The following PIKFYVE variants were observed in gnomAD, a reference collection of about 807,000 sequenced individuals.
The protein encoded by PIKFYVE is 1-phosphatidylinositol 3-phosphate 5-kinase.
PIKFYVE carries 122 observed loss-of-function variants against 257.9 expected under a neutral mutation model. The observed-to-expected ratio is 0.47, with a 90% CI of 0.41 to 0.55. PIKFYVE has a LOEUF of 0.55. PIKFYVE is among the 20% of genes least tolerant of loss of function. The pLI, the probability that PIKFYVE is intolerant of heterozygous loss-of-function variation, is 0.00. For missense variants in PIKFYVE, 2,160 were observed against 2,536.6 expected (o/e 0.85, Z 3.19); for synonymous variants, 892 against 868.9 (o/e 1.03, Z -0.47).
At chr2:208,276,671 G>A in intron 3 of PIKFYVE, 41 bp from the exon 4 acceptor site, 1 of 1,386,386 alleles carries the variant, frequency 7.2e-7, no homozygotes, top group South Asian at 1.2e-5. Context: ...ATAGATACTA[G>A]GGACTGTTAA....
At position 208,325,691 on chromosome 2, in the gene PIKFYVE, A is replaced by G. The variant is rs1696847221; in HGVS notation, c.2880A>G (p.Thr960=). 5.6e-6 allele frequency: 9 copies of G among 1,613,970 alleles called. No individual in the cohort carries two copies. The highest frequency in any genetic ancestry group is 7.6e-6 in the Non-Finnish European group (9 of 1,179,912). Reference sequence around the variant, plus strand: ...CTGTGAAGCATCAAGAACATAGCACAACAGCTTGCCCGGCGGGTCTCCCTT... The same window carrying G: ...CTGTGAAGCATCAAGAACATAGCACGACAGCTTGCCCGGCGGGTCTCCCTT... ...VASVKHQEHS[T]TACPAGLPCA... is the part of the protein sequence containing the mutation. Residue 960 remains threonine (T), a synonymous_variant, in exon 20 of 42, where the codon ACA becomes ACG. Coordinates refer to ENST00000264380, the MANE Select transcript of PIKFYVE (RefSeq NM_015040.4).
Position 208,324,128 on chromosome 2 carries a change from T to C in PIKFYVE, c.2191-14T>C, listed in dbSNP as rs1361553070. 16 of 1,610,774 alleles carry C rather than the reference T, an allele frequency of 9.9e-6. No homozygotes were observed. The highest frequency in any genetic ancestry group is 1.7e-5 in the Admixed American group (1 of 59,992). On this transcript the variant is annotated splice_polypyrimidine_tract_variant and intron_variant, in intron 17 of 41. Transcript: ENST00000264380. ...ATTTTACCAGGTGTAATATTTCTGA[T>C]TTATCTTACTTAGGAAAGGGAATTC... is the stretch of plus-strand genomic sequence containing the variant.
chr2:208,277,742 A>C (rs765669333), intron 5 of PIKFYVE, 34 bp downstream of exon 5: 1 of 1,606,070 alleles, frequency 6.2e-7, no homozygotes. Flanking sequence ...TACAATTTTT[A>C]AAGGTCATAA....
At chr2:208,311,480 A>T (rs58027184) in intron 12 of PIKFYVE, among the ~76,000 whole-genome samples, 2,833 of 152,284 alleles carry the variant, frequency 0.019, 96 homozygotes, top group African/African-American at 0.064. Flanking sequence ...AGGAGTTTAC[A>T]TGCATCATGT....
At position 208,298,050 on chromosome 2, in the gene PIKFYVE, A is replaced by G. The variant is rs536846370; in HGVS notation, c.912-591A>G. 3.3e-5 allele frequency among the ~76,000 whole-genome samples: 5 copies of G among 152,234 alleles called. No individual in the cohort carries two copies. The South Asian group carries it at 6.2e-4, about 19-fold the overall frequency. Reference sequence around the variant, plus strand: ...AAGGAATTCTTTTTTTGGTCATAACATTTTGCTTATTTGGGCGTCAAAATT... The same window carrying G: ...AAGGAATTCTTTTTTTGGTCATAACGTTTTGCTTATTTGGGCGTCAAAATT... On this transcript the variant is annotated intron_variant, in intron 7 of 41. Transcript: ENST00000264380.
At chr2:208,338,422 AAAAGT>A in intron 28 of PIKFYVE, 81 bp from the exon 29 acceptor site, 1 of 1,310,286 alleles carries the variant, frequency 7.6e-7, no homozygotes. Flanking sequence ...CCTGAGACCA[AAAAGT>A]TTAAGATTCA....
At position 208,350,022 on chromosome 2, in the gene PIKFYVE, A is replaced by C; in HGVS notation, c.5375-2A>C. On this transcript the variant is annotated splice_acceptor_variant, in intron 35 of 41. Transcript: ENST00000264380. LOFTEE classifies it high-confidence loss of function. ...CTTTACTAATGATATTAAACCTTTTAGATGAAGTAGATGGAGGAGATACAC... is the reference window on the plus strand; with the variant it reads ...CTTTACTAATGATATTAAACCTTTTCGATGAAGTAGATGGAGGAGATACAC... The C allele has an allele frequency of 6.2e-7, 1 of 1,611,824 alleles. No individual in the cohort carries two copies. The highest frequency in any genetic ancestry group is 1.1e-5 in the South Asian group (1 of 90,982).
intron 31 of PIKFYVE, among the ~76,000 whole-genome samples, chr2:208,340,626 C>T (rs1698606711): frequency 6.6e-6 from 1 of 152,030 alleles, no homozygotes. Context: ...ACTGGTTGAC[C>T]CATGTGGCTA....
intron 1 of PIKFYVE, among the ~76,000 whole-genome samples, chr2:208,270,476 A>G (rs1012942012): frequency 2.0e-5 from 3 of 152,170 alleles, no homozygotes; most frequent in Admixed American, 6.5e-5. Context: ...TGGTTGAAAT[A>G]TGATTTTTTG....
chr2:208,266,376 G>C lies in PIKFYVE; in HGVS notation c.-49G>C, dbSNP rs952557294. The stretch of plus-strand genomic sequence containing the variant: ...GGCTGAGCCGTTGAAGCGGAGGCTG[G>C]GGCGGGGGGCAGCCGGCGCGGCCGG... On this transcript the variant is annotated 5_prime_UTR_variant, in exon 1 of 42. Transcript: ENST00000264380. The C allele has an allele frequency of 2.6e-5, 4 of 152,544 alleles. No individual in the cohort carries two copies. Among genetic ancestry groups the C allele is most frequent in the African/African-American group, 7.2e-5 (3 of 41,468 alleles). The allele number at this position is 152,544 out of a possible 1,614,324, so 9.4% of individuals were successfully genotyped here.
intron 32 of PIKFYVE, among the ~76,000 whole-genome samples, chr2:208,343,447 G>T (rs754278562): frequency 6.6e-6 from 1 of 152,182 alleles, no homozygotes; most frequent in Non-Finnish European, 1.5e-5. Context: ...CGAACCTACA[G>T]ATAGTACTGA....
chr2:208,314,449 A>G (rs749036730), intron 14 of PIKFYVE, 26 bp downstream of exon 14: 1 of 1,603,614 alleles, frequency 6.2e-7, no homozygotes, highest in South Asian at 1.1e-5. Flanking sequence ...TTTTAATTTT[A>G]ATTTTTCACT....
chr2:208,329,274 C>T (rs1164556162), intron 21 of PIKFYVE, among the ~76,000 whole-genome samples: 1 of 152,076 alleles, frequency 6.6e-6, no homozygotes, highest in Non-Finnish European at 1.5e-5. Context: ...CTCATGGGTT[C>T]TTCTAGTAGT....
At chr2:208,286,712 G>C (rs1213858101) in intron 6 of PIKFYVE, among the ~76,000 whole-genome samples, 2 of 151,358 alleles carry the variant, frequency 1.3e-5, no homozygotes, top group Non-Finnish European at 2.9e-5. Context: ...TAAGAGATGG[G>C]GTCTTGCCAT....
intron 32 of PIKFYVE, among the ~76,000 whole-genome samples, chr2:208,343,331 C>T (rs1362888077): frequency 6.6e-6 from 1 of 152,092 alleles, no homozygotes; most frequent in East Asian, 1.9e-4. Flanking sequence ...TTGTACCATT[C>T]ACTCATTTTC....
intron 38 of PIKFYVE, among the ~76,000 whole-genome samples, chr2:208,351,904 T>A (rs995259061): frequency 6.6e-6 from 1 of 152,138 alleles, no homozygotes; most frequent in African/African-American, 2.4e-5. Context: ...GCAGATAACA[T>A]TTCAACATGA....
chr2:208,304,062 A>C, intron 10 of PIKFYVE, 109 bp from the exon 11 acceptor site: 1 of 1,316,846 alleles, frequency 7.6e-7, no homozygotes, highest in Middle Eastern at 1.8e-4. Flanking sequence ...TATAAAATTC[A>C]ATTGTTAGGT....
chr2:208,288,962 T>G, intron 7 of PIKFYVE, 144 bp downstream of exon 7: 1 of 1,132,606 alleles, frequency 8.8e-7, no homozygotes, highest in Admixed American at 2.3e-5. Context: ...CATTTTCTTT[T>G]TGCTATTCAG....
chr2:208,308,205 T>C (rs547563584), intron 12 of PIKFYVE, among the ~76,000 whole-genome samples: 113 of 151,794 alleles, frequency 7.4e-4, no homozygotes, highest in Non-Finnish European at 1.4e-3. Flanking sequence ...TCAAGACCAG[T>C]TTAGGCAATG....
Sources: gnomAD v4.1 joint callset for allele counts (sites outside exome capture counted in the v4.1 genomes callset) on GRCh38, gnomAD v4.1.1 for gene constraint, MANE v1.5 for transcripts, NCBI Gene and HGNC (gene_info 2026-07-23, HGNC 2026-07-21) for gene names.